SAP130: variants seen among roughly 807,000 people sequenced by gnomAD.
SAP130 encodes Sin3A associated protein 130, also known as histone deacetylase complex subunit SAP130.
In SAP130, 16 loss-of-function variants were observed where a neutral mutation model predicts 103.2. The observed-to-expected ratio is 0.16, with a 90% CI of 0.10 to 0.24. The LOEUF is 0.24. Among genes scored for constraint, SAP130 ranks in the 10% least tolerant of loss-of-function variants. The pLI, the probability that SAP130 is intolerant of heterozygous loss-of-function variation, is 1.00. For missense variants in SAP130, 990 were observed against 1,359.7 expected, an observed-to-expected ratio of 0.73 and a Z score of 4.28; for synonymous variants, 477 against 497.0, an observed-to-expected ratio of 0.96 and a Z score of 0.53.
At position 128,013,157 on chromosome 2, in the gene SAP130, G is replaced by GAAAAAAAAA; in HGVS notation, c.620-12_620-4dup. On this transcript the variant is annotated splice_region_variant and splice_polypyrimidine_tract_variant and intron_variant, in intron 5 of 20. Coordinates refer to ENST00000643581, the MANE Select transcript of SAP130 (RefSeq NM_001330301.2). ...CATCACAGCAGCAGCAGCTGCACCT[G>GAAAAAAAAA]AAAAAAAAAAAGTGTTTATTATATT... is the stretch of plus-strand genomic sequence containing the variant. The GAAAAAAAAA allele has an allele frequency of 7.9e-7, 1 of 1,271,222 alleles. No individual in the cohort carries two copies. The highest frequency in any genetic ancestry group is 2.1e-4 in the Middle Eastern group (1 of 4,786). 78.7% of individuals were successfully genotyped at this position (1,271,222 alleles called of 1,614,324 possible). A position where few individuals can be genotyped will look rare whatever the true frequency, so the allele number is the denominator to read the frequency against.
At chr2:127,945,841 T>C (rs1009844448) in intron 18 of SAP130, among the ~76,000 whole-genome samples, 1 of 152,156 alleles carries the variant, frequency 6.6e-6, no homozygotes, top group African/African-American at 2.4e-5. Flanking sequence ...TTTGTAGAGA[T>C]GAGGTCTTGC....
chr2:127,941,638 C>T lies in SAP130; in HGVS notation c.*368G>A, dbSNP rs1678718202. The T allele has an allele frequency of 4.6e-6, 1 of 218,858 alleles. No homozygotes were observed. Among genetic ancestry groups the T allele is most frequent in the Non-Finnish European group, 8.9e-6 (1 of 112,698 alleles). 13.6% of individuals were successfully genotyped at this position (218,858 alleles called of 1,614,324 possible). On this transcript the variant is annotated 3_prime_UTR_variant, in exon 21 of 21. Coordinates refer to ENST00000643581, the MANE Select transcript of SAP130 (RefSeq NM_001330301.2). ...GATGGTCCGAGTGGATACTTTCAGT[C>T]CAGGCTCAGTATGGGGCCTGCAGGA...
intron 10 of SAP130, among the ~76,000 whole-genome samples, chr2:127,998,685 A>G (rs1377051004): frequency 6.6e-6 from 1 of 152,244 alleles, no homozygotes; most frequent in Admixed American, 6.5e-5. Flanking sequence ...CTACTTCCAC[A>G]GTGGGATCTC....
intron 14 of SAP130, among the ~76,000 whole-genome samples, chr2:127,979,130 C>T (rs1449693461): frequency 6.6e-6 from 1 of 152,114 alleles, no homozygotes; most frequent in Non-Finnish European, 1.5e-5. Context: ...ATCCTAGTAA[C>T]AGAAAGGGAA....
intron 7 of SAP130, among the ~76,000 whole-genome samples, chr2:128,002,164 G>A (rs903774492): frequency 6.6e-6 from 1 of 152,082 alleles, no homozygotes; most frequent in African/African-American, 2.4e-5. Context: ...TGATCCGCCC[G>A]CCCTGGCCTC....
chr2:127,999,936 G>A, intron 9 of SAP130, 91 bp from the exon 10 acceptor site: 2 of 1,435,920 alleles, frequency 1.4e-6, no homozygotes, highest in Non-Finnish European at 1.9e-6. Flanking sequence ...CCTGGAAAAA[G>A]TTAAGAGAAT....
chr2:128,006,674 G>T (rs1683996717), intron 7 of SAP130, among the ~76,000 whole-genome samples: 1 of 152,178 alleles, frequency 6.6e-6, no homozygotes, highest in Admixed American at 6.5e-5. Flanking sequence ...CCCAGCTTTG[G>T]GAGGCTGAGG....
chr2:127,947,768 G>GTGAGTGTGTA (rs754635228), intron 18 of SAP130, among the ~76,000 whole-genome samples: 2 of 141,948 alleles, frequency 1.4e-5, no homozygotes, highest in African/African-American at 6.1e-5. Context: ...GTGTGTCTGT[G>GTGAGTGTGTA]TGTGTGTGTG....
chr2:127,988,686 T>C (rs1682571650), intron 13 of SAP130, among the ~76,000 whole-genome samples: 1 of 151,892 alleles, frequency 6.6e-6, no homozygotes, highest in African/African-American at 2.4e-5. Flanking sequence ...TCTGTCTCTA[T>C]TAAAAATACA....
rs1679737027 is a variant in SAP130 at position 127,955,060 on chromosome 2, A to G, written c.2348T>C (p.Val783Ala). ...SVTVGGSLSS[V>A]LGPPVPEIKV... Reference sequence around the variant, plus strand: ...AATTTCAGGAACGGGAGGGCCCAAGACGGAGGAAAGACTGCCACCCACAGT... The same window carrying G: ...AATTTCAGGAACGGGAGGGCCCAAGGCGGAGGAAAGACTGCCACCCACAGT... The change falls in exon 16 of 21, where the codon GTC (valine) becomes GCC (alanine). Residue 783 changes from valine to alanine, a missense_variant. By Grantham distance (64) the Val-to-Ala change is moderately conservative. Around this residue, in one of 6 missense-constraint regions of SAP130, gnomAD observed 349 missense variants for 384.1 expected, o/e 0.91. Transcript: ENST00000643581. The surrounding 1 kb of genome is among the most constrained non-coding windows in gnomAD (Gnocchi z 4.9). 6.2e-7 allele frequency: 1 copy of G among 1,614,152 alleles called. No homozygotes were observed. Among genetic ancestry groups the G allele is most frequent in the Non-Finnish European group, 8.5e-7 (1 of 1,180,006 alleles).
At chr2:127,967,651 C>T (rs950333564) in intron 15 of SAP130, among the ~76,000 whole-genome samples, 1 of 152,216 alleles carries the variant, frequency 6.6e-6, no homozygotes, top group Non-Finnish European at 1.5e-5. Flanking sequence ...CTGCCTTGGC[C>T]TCCCAAAGCA....
Position 127,953,878 on chromosome 2 carries a change from A to G in SAP130, c.2422+1108T>C, listed in dbSNP as rs1054361914. 3.3e-5 allele frequency among the ~76,000 whole-genome samples: 5 copies of G among 152,170 alleles called. No individual in the cohort carries two copies. The highest frequency in any genetic ancestry group is 1.2e-4 in the African/African-American group (5 of 41,416). The stretch of plus-strand genomic sequence containing the variant: ...CATAGAACTTATCACCCAAACATAT[A>G]TATACATACATACATACATATATAA... On this transcript the variant is annotated intron_variant, in intron 16 of 20. Transcript: ENST00000643581. This position sits in a 1 kb window ranked among gnomAD's most constrained non-coding sequence, Gnocchi z 4.0.
chr2:127,974,652 A>G (rs569597725), intron 15 of SAP130, among the ~76,000 whole-genome samples: 1 of 152,222 alleles, frequency 6.6e-6, no homozygotes, highest in East Asian at 1.9e-4. Flanking sequence ...TGTCTCTACT[A>G]AAAATACAAA....
chr2:127,942,699 A>G lies in SAP130; in HGVS notation c.2902-162T>C, dbSNP rs944940316. ...GACTAAGATACTAAGGTTTAAAAAC[A>G]GTAAAGGGGCTGGGCGCGGTGGCTC... On this transcript the variant is annotated intron_variant, in intron 19 of 20. Coordinates refer to ENST00000643581, the MANE Select transcript of SAP130 (RefSeq NM_001330301.2). The surrounding 1 kb of genome is among the most constrained non-coding windows in gnomAD (Gnocchi z 4.8). Among the ~76,000 whole-genome samples, 1 of 152,210 alleles carries G rather than the reference A, an allele frequency of 6.6e-6. No individual in the cohort carries two copies. The highest frequency in any genetic ancestry group is 1.5e-5 in the Non-Finnish European group (1 of 68,038).
intron 15 of SAP130, among the ~76,000 whole-genome samples, chr2:127,969,907 C>T (rs905669210): frequency 1.3e-5 from 2 of 151,856 alleles, no homozygotes; most frequent in African/African-American, 4.8e-5. Context: ...CCAGCCTGTG[C>T]CATATAGCAA....
chr2:128,000,285 G>C, intron 8 of SAP130, 22 bp downstream of exon 8: 1 of 1,614,026 alleles, frequency 6.2e-7, no homozygotes, highest in Non-Finnish European at 8.5e-7. Context: ...GTACACAGGT[G>C]GTTCTCCACT....
rs556813725 is a variant in SAP130, at chr2:127,996,823, G to A, written c.1214-332C>T. 7.2e-5 allele frequency among the ~76,000 whole-genome samples: 11 copies of A among 152,090 alleles called. No individual in the cohort carries two copies. Among genetic ancestry groups the A allele is most frequent in the Admixed American group, 3.3e-4 (5 of 15,264 alleles). On this transcript the variant is annotated intron_variant, in intron 10 of 20. Transcript: ENST00000643581. The surrounding 1 kb of genome is among the most constrained non-coding windows in gnomAD (Gnocchi z 4.3). The stretch of plus-strand genomic sequence containing the variant: ...TCTCAGCACTGTGGGAGGCTGAGGC[G>A]GGAGGATCACTTGAGTTCAGGAGTT...
chr2:127,995,637 G>A (rs534433310), intron 11 of SAP130, among the ~76,000 whole-genome samples: 2 of 152,166 alleles, frequency 1.3e-5, no homozygotes, highest in Admixed American at 6.5e-5. Flanking sequence ...GATTCAGCCA[G>A]GAATTAATAA....
chr2:128,016,612 AAT>A (rs1184334660), intron 3 of SAP130, 65 bp from the exon 4 acceptor site: 1 of 1,521,156 alleles, frequency 6.6e-7, no homozygotes, highest in Non-Finnish European at 8.9e-7. Flanking sequence ...TTCAATCCAC[AAT>A]TAAGAGTGCA....
Sources: allele counts gnomAD v4.1 joint callset (sites outside exome capture counted in the v4.1 genomes callset), GRCh38; gene constraint gnomAD v4.1.1; regional missense constraint gnomAD v4.1.1; non-coding constraint Gnocchi (gnomAD v3.1); transcripts MANE v1.5; gene names NCBI Gene and HGNC (gene_info 2026-07-23, HGNC 2026-07-21).